VEGFA: variants seen among roughly 807,000 people sequenced by gnomAD.
VEGFA encodes the protein vascular endothelial growth factor A, long form.
VEGFA carries 20 observed loss-of-function variants against 49.7 expected under a neutral mutation model. The observed-to-expected ratio is 0.40, with a 90% CI of 0.28 to 0.58. The LOEUF is 0.58. VEGFA is among the 20% of genes least tolerant of loss of function. VEGFA has a pLI of 0.40. For synonymous variants in VEGFA, 219 were observed against 223.4 expected, an observed-to-expected ratio of 0.98 and a Z score of 0.18; for missense variants, 505 against 553.5, an observed-to-expected ratio of 0.91 and a Z score of 0.88.
At position 43,778,964 on chromosome 6, in the gene VEGFA, G is replaced by T. The variant is rs543885294; in HGVS notation, c.962+46G>T. 2.0e-5 allele frequency: 32 copies of T among 1,613,706 alleles called. No individual in the cohort carries two copies. In the African/African-American group the frequency reaches 2.1e-4, roughly 11 times the overall value. ...CACTTCTCCCTCTCCATGGCCGGTT[G>T]TCTTGGTTTGGGGCTCTTGGCTACC... On this transcript the variant is annotated intron_variant, in intron 5 of 7. Transcript: ENST00000672860.
chr6:43,778,990 T>C, intron 5 of VEGFA, 72 bp downstream of exon 5: 1 of 1,598,286 alleles, frequency 6.3e-7, no homozygotes, highest in Admixed American at 1.7e-5. Context: ...CTTGGCTACC[T>C]CTGTTGGGGG....
Position 43,784,671 on chromosome 6 carries a change from C to T in VEGFA, c.*109C>T, listed in dbSNP as rs1293381502. The stretch of plus-strand genomic sequence containing the variant: ...AGAAACCACGCTGCCGCCACCACAC[C>T]ATCACCATCGACAGAACAGTCCTTA... On this transcript the variant is annotated 3_prime_UTR_variant, in exon 8 of 8. Coordinates refer to ENST00000672860, the MANE Select transcript of VEGFA (RefSeq NM_003376.6). 2 of 1,569,720 alleles carry T rather than the reference C, an allele frequency of 1.3e-6. No individual in the cohort carries two copies. The highest frequency in any genetic ancestry group is 1.7e-5 in the Admixed American group (1 of 59,918).
rs1249577551 is a variant in VEGFA at position 43,784,632 on chromosome 6, A to G, written c.*70A>G. The G allele has an allele frequency of 1.9e-6, 3 of 1,614,074 alleles. No individual in the cohort carries two copies. The highest frequency in any genetic ancestry group is 8.5e-7 in the Non-Finnish European group (1 of 1,179,902). On this transcript the variant is annotated 3_prime_UTR_variant, in exon 8 of 8. Coordinates refer to ENST00000672860, the MANE Select transcript of VEGFA (RefSeq NM_003376.6). ...ATCTCTCACCAGGAAAGACTGATAC[A>G]GAACGATCGATACAGAAACCACGCT...
rs2128010572 is a variant in VEGFA at position 43,774,405 on chromosome 6, G to A, written c.658+13G>A. The stretch of plus-strand genomic sequence containing the variant: ...AATCATCACGAAGGTGAGTCCCCCT[G>A]GCTGTTGGATGGGGTTCCCTGTCCT... On this transcript the variant is annotated intron_variant, in intron 2 of 7. Coordinates refer to ENST00000672860, the MANE Select transcript of VEGFA (RefSeq NM_003376.6). The A allele has an allele frequency of 6.2e-7, 1 of 1,614,156 alleles. No homozygotes were observed. The highest frequency in any genetic ancestry group is 8.5e-7 in the Non-Finnish European group (1 of 1,179,974).
rs1769213938 is a variant in VEGFA, at chr6:43,784,957, ATC to A, written c.*399_*400del. 1.1e-5 allele frequency: 2 copies of A among 178,134 alleles called. No homozygotes were observed. The highest frequency in any genetic ancestry group is 9.8e-5 in the East Asian group (1 of 10,154). The allele number at this position is 178,134 out of a possible 1,614,324, so 11.0% of individuals were successfully genotyped here. A position where few individuals can be genotyped will look rare whatever the true frequency, so the allele number is the denominator to read the frequency against. On this transcript the variant is annotated 3_prime_UTR_variant, in exon 8 of 8. Coordinates refer to ENST00000672860, the MANE Select transcript of VEGFA (RefSeq NM_003376.6). Reference sequence around the variant, plus strand: ...ATATTATATATATATAAAAATAAATATCTCTATTTTATATATATAAAATATAT... The same window carrying A: ...ATATTATATATATATAAAAATAAATATCTATTTTATATATATAAAATATAT...
chr6:43,780,160 A>G, intron 5 of VEGFA: 1 of 211,130 alleles, frequency 4.7e-6, no homozygotes, highest in Non-Finnish European at 9.7e-6. Flanking sequence ...GTTCCGTGCC[A>G]GCTCCCAAGG....
Position 43,784,568 on chromosome 6 carries a change from G to A in VEGFA, c.*6G>A, listed in dbSNP as rs2128063020. ...GTGACAAGCCGAGGCGGTGAGCCGG[G>A]CAGGAGGAAGGAGCCTCCCTCAGGG... On this transcript the variant is annotated 3_prime_UTR_variant, in exon 8 of 8. Transcript: ENST00000672860. 1.2e-6 allele frequency: 2 copies of A among 1,614,216 alleles called. No individual in the cohort carries two copies. The highest frequency in any genetic ancestry group is 1.7e-6 in the Non-Finnish European group (2 of 1,180,044).
At position 43,770,857 on chromosome 6, in the gene VEGFA, G is replaced by T. The variant is rs1406201670; in HGVS notation, c.151G>T (p.Ala51Ser). ...GGAGGGGGTCGGGGCTCGCGGCGTC[G>T]CACTGAAACTTTTCGTCCAACTTCT... The change falls in exon 1 of 8, where the codon GCA becomes TCA. Residue 51 changes from alanine (A) to serine (S), a missense_variant. Around this residue, in one of 2 missense-constraint regions of VEGFA, gnomAD observed 340 missense variants for 321.8 expected, o/e 1.06. Coordinates refer to ENST00000672860, the MANE Select transcript of VEGFA (RefSeq NM_003376.6). The T allele has an allele frequency of 5.2e-6, 8 of 1,535,286 alleles. No homozygotes were observed. The South Asian group carries it at 7.3e-5, about 14-fold the overall frequency.
Position 43,777,457 on chromosome 6 carries a change from C to T in VEGFA, c.659-12C>T, listed in dbSNP as rs372487166. 1.7e-4 allele frequency: 269 copies of T among 1,613,574 alleles called. 1 individual carries two copies. Among genetic ancestry groups the T allele is most frequent in the Non-Finnish European group, 2.1e-4 (247 of 1,180,028 alleles). ...CGCCCACCGGGCTCATGTGTCATCG[C>T]CTCTCATGCAGTGGTGAAGTTCATG... On this transcript the variant is annotated splice_polypyrimidine_tract_variant and intron_variant, in intron 2 of 7. Coordinates refer to ENST00000672860, the MANE Select transcript of VEGFA (RefSeq NM_003376.6). This position sits in a 1 kb window ranked among gnomAD's most constrained non-coding sequence, Gnocchi z 4.3.
At position 43,784,641 on chromosome 6, in the gene VEGFA, G is replaced by C. The variant is rs201676874; in HGVS notation, c.*79G>C. 2 of 1,613,270 alleles carry C rather than the reference G, an allele frequency of 1.2e-6. No homozygotes were observed. Among genetic ancestry groups the C allele is most frequent in the South Asian group, 1.1e-5 (1 of 91,064 alleles). ...CAGGAAAGACTGATACAGAACGATCGATACAGAAACCACGCTGCCGCCACC... is the reference window on the plus strand; with the variant it reads ...CAGGAAAGACTGATACAGAACGATCCATACAGAAACCACGCTGCCGCCACC... On this transcript the variant is annotated 3_prime_UTR_variant, in exon 8 of 8. Transcript: ENST00000672860.
Position 43,774,347 on chromosome 6 carries a change from C to G in VEGFA, c.613C>G (p.Gln205Glu). The G allele has an allele frequency of 6.2e-7, 1 of 1,614,182 alleles. No homozygotes were observed. Among genetic ancestry groups the G allele is most frequent in the Non-Finnish European group, 8.5e-7 (1 of 1,180,034 alleles). Reference sequence around the variant, plus strand: ...GCTCTCTTTCTGTCCTCAGTGGTCCCAGGCTGCACCCATGGCAGAAGGAGG... The same window carrying G: ...GCTCTCTTTCTGTCCTCAGTGGTCCGAGGCTGCACCCATGGCAGAAGGAGG... Residue 205 changes from glutamine to glutamate, a missense_variant, in exon 2 of 8, where the codon CAG becomes GAG. Physicochemically the swap from Gln to Glu is conservative, Grantham distance 29. This residue lies in a region of VEGFA where 340 missense variants were observed against 321.8 expected (regional missense o/e 1.06). Coordinates refer to ENST00000672860, the MANE Select transcript of VEGFA (RefSeq NM_003376.6).
intron 2 of VEGFA, chr6:43,775,896 C>T (rs918626493): frequency 6.6e-6 from 1 of 152,144 alleles, no homozygotes; most frequent in African/African-American, 2.4e-5. Flanking sequence ...GCCTTCTCCC[C>T]ACCTTCTTCC....
rs1582460373 is a variant in VEGFA at position 43,770,989 on chromosome 6, G to T, written c.283G>T (p.Gly95Trp). 7 of 1,542,848 alleles carry T rather than the reference G, an allele frequency of 4.5e-6. No homozygotes were observed. Among genetic ancestry groups the T allele is most frequent in the Non-Finnish European group, 5.2e-6 (6 of 1,144,704 alleles). Residue 95 changes from glycine to tryptophan, a missense_variant, in exon 1 of 8, where the codon GGG becomes TGG. Physicochemically the swap from Gly to Trp is radical, Grantham distance 184. Around this residue, in one of 2 missense-constraint regions of VEGFA, gnomAD observed 340 missense variants for 321.8 expected, o/e 1.06. Transcript: ENST00000672860. The stretch of plus-strand genomic sequence containing the variant: ...CCGGGAGGAGCCGCAGCCGGAGGAG[G>T]GGGAGGAGGAAGAAGAGAAGGAAGA...
intron 6 of VEGFA, 179 bp downstream of exon 6, chr6:43,780,982 T>G: frequency 6.7e-7 from 1 of 1,499,108 alleles, no homozygotes; most frequent in Non-Finnish European, 9.1e-7. Context: ...ACGGGTAGAT[T>G]TGGTGGTGGC....
In VEGFA at chr6:43,777,495, C is replaced by T. The variant is rs1208889729; in HGVS notation, c.685C>T (p.Arg229Cys). The stretch of plus-strand genomic sequence containing the variant: ...GGTGAAGTTCATGGATGTCTATCAG[C>T]GCAGCTACTGCCATCCAATCGAGAC... Residue 229 changes from arginine (R) to cysteine (C), a missense_variant, in exon 3 of 8, where the codon CGC becomes TGC. This residue lies in a region of VEGFA where 165 missense variants were observed against 231.7 expected (regional missense o/e 0.71). Coordinates refer to ENST00000672860, the MANE Select transcript of VEGFA (RefSeq NM_003376.6). The surrounding 1 kb of genome is among the most constrained non-coding windows in gnomAD (Gnocchi z 4.3). The T allele has an allele frequency of 1.2e-6, 2 of 1,614,030 alleles. No individual in the cohort carries two copies. Among genetic ancestry groups the T allele is most frequent in the South Asian group, 1.1e-5 (1 of 91,086 alleles).
intron 1 of VEGFA, among the ~76,000 whole-genome samples, chr6:43,771,782 G>A (rs1023755176): frequency 1.3e-5 from 2 of 152,312 alleles, no homozygotes; most frequent in African/African-American, 4.8e-5. Context: ...AGGAGGGAGA[G>A]GGGGCTTGCT....
Position 43,770,642 on chromosome 6 carries a change from TG to T in VEGFA, c.-60del. On this transcript the variant is annotated 5_prime_UTR_variant, in exon 1 of 8. Coordinates refer to ENST00000672860, the MANE Select transcript of VEGFA (RefSeq NM_003376.6). ...AGGGGCAAAGTGAGTGACCTGCTTT[TG>T]GGGGTGACCGCCGGAGCGCGGCGTG... The T allele has an allele frequency of 2.0e-6, 3 of 1,490,186 alleles. No homozygotes were observed. Among genetic ancestry groups the T allele is most frequent in the East Asian group, 2.8e-5 (1 of 35,968 alleles). 92.3% of individuals were successfully genotyped at this position (1,490,186 alleles called of 1,614,324 possible). A position where few individuals can be genotyped will look rare whatever the true frequency, so the allele number is the denominator to read the frequency against.
chr6:43,778,446 T>TCCTTC lies in VEGFA; in HGVS notation c.856-12_856-8dup, dbSNP rs1766202795. On this transcript the variant is annotated splice_polypyrimidine_tract_variant and intron_variant, in intron 3 of 7. Transcript: ENST00000672860. ...GGGTCACTAACCTCTGTGATCTGCT[T>TCCTTC]CCTTCCTTTCCAGATTATGCGGATC... 6.2e-7 allele frequency: 1 copy of TCCTTC among 1,613,630 alleles called. No individual in the cohort carries two copies. The highest frequency in any genetic ancestry group is 1.3e-5 in the African/African-American group (1 of 74,902).
chr6:43,780,901 G>A, intron 6 of VEGFA, 98 bp downstream of exon 6: 1 of 1,610,034 alleles, frequency 6.2e-7, no homozygotes. Flanking sequence ...TCCCTCCCCT[G>A]GTCCTTCCCT....
Sources: allele counts gnomAD v4.1 joint callset (sites outside exome capture counted in the v4.1 genomes callset), GRCh38; gene constraint gnomAD v4.1.1; regional missense constraint gnomAD v4.1.1; non-coding constraint Gnocchi (gnomAD v3.1); transcripts MANE v1.5; gene names NCBI Gene and HGNC (gene_info 2026-07-23, HGNC 2026-07-21).